PCNX1: variants seen among roughly 807,000 people sequenced by gnomAD.
PCNX1 encodes pecanex 1, also known as pecanex-like protein 1.
A neutral mutation model predicts 242.2 loss-of-function variants in PCNX1; 78 were observed. That is an observed-to-expected ratio of 0.32 (90% confidence interval 0.27 to 0.39). The LOEUF (loss-of-function observed/expected upper bound fraction) is 0.39, where lower values mean the gene tolerates loss of function less well. Among genes scored for constraint, PCNX1 ranks in the 10% least tolerant of loss-of-function variants. The pLI, the probability that PCNX1 is intolerant of heterozygous loss-of-function variation, is 1.00. For synonymous variants in PCNX1, 1,024 were observed against 1,032.9 expected, an observed-to-expected ratio of 0.99 and a Z score of 0.17; for missense variants, 2,581 against 2,856.5, an observed-to-expected ratio of 0.90 and a Z score of 2.20.
intron 1 of PCNX1, among the ~76,000 whole-genome samples, chr14:70,915,659 A>G (rs1020927264): frequency 1.3e-5 from 2 of 152,148 alleles, no homozygotes; most frequent in African/African-American, 4.8e-5. Flanking sequence ...TCCAGGTTTT[A>G]GCTATTTAGA....
At chr14:70,976,091 T>C (rs757426609) in intron 5 of PCNX1, among the ~76,000 whole-genome samples, 9 of 152,192 alleles carry the variant, frequency 5.9e-5, no homozygotes, top group Non-Finnish European at 1.2e-4. Context: ...TGTGAAATAA[T>C]CGTATTAGCT....
At chr14:71,024,397 A>G (rs1174546747) in intron 13 of PCNX1, among the ~76,000 whole-genome samples, 3 of 152,158 alleles carry the variant, frequency 2.0e-5, no homozygotes, top group African/African-American at 7.2e-5. Flanking sequence ...AATCTGGAGC[A>G]ATTCTTTGGA....
chr14:71,030,113 T>C lies in PCNX1; in HGVS notation c.3558+1322T>C, dbSNP rs543184541. Among the ~76,000 whole-genome samples, 48 of 152,250 alleles carry C rather than the reference T, an allele frequency of 3.2e-4. No homozygotes were observed. In the South Asian group the frequency reaches 9.5e-3, roughly 30 times the overall value. On this transcript the variant is annotated intron_variant, in intron 16 of 35. Transcript: ENST00000304743. Reference sequence around the variant, plus strand: ...TTTTTAGTTTTAATTTTTATCAGAGTTGTACATTCATATATCACAGTGTCA... The same window carrying C: ...TTTTTAGTTTTAATTTTTATCAGAGCTGTACATTCATATATCACAGTGTCA...
chr14:70,947,677 T>C (rs1322857172), intron 2 of PCNX1, among the ~76,000 whole-genome samples: 1 of 152,162 alleles, frequency 6.6e-6, no homozygotes, highest in Non-Finnish European at 1.5e-5. Flanking sequence ...AAATTGTTTG[T>C]AGAGCATGTG....
intron 1 of PCNX1, among the ~76,000 whole-genome samples, chr14:70,936,592 C>T (rs1042332128): frequency 2.0e-5 from 3 of 152,138 alleles, no homozygotes; most frequent in Non-Finnish European, 2.9e-5. Flanking sequence ...ATTAAACATA[C>T]GTGTTGCATG....
At chr14:71,032,018 A>G (rs2060400200) in intron 16 of PCNX1, 1 of 916,188 alleles carries the variant, frequency 1.1e-6, no homozygotes, top group Non-Finnish European at 1.8e-6. Context: ...ACACGGACAC[A>G]CACAAGGAGT....
At chr14:71,012,868 A>G in intron 10 of PCNX1, 117 bp from the exon 11 acceptor site, 1 of 721,058 alleles carries the variant, frequency 1.4e-6, no homozygotes, top group Non-Finnish European at 2.4e-6. Flanking sequence ...TAAAGGGCTT[A>G]GATAACTGAT....
intron 8 of PCNX1, among the ~76,000 whole-genome samples, chr14:71,008,605 G>A (rs959934972): frequency 4.3e-5 from 6 of 138,106 alleles, no homozygotes; most frequent in African/African-American, 1.6e-4. Flanking sequence ...GCAGTGAGCC[G>A]AGATTGCGCC....
intron 26 of PCNX1, among the ~76,000 whole-genome samples, chr14:71,064,255 C>A (rs928251717): frequency 2.6e-5 from 4 of 151,852 alleles, no homozygotes; most frequent in East Asian, 1.9e-4. Context: ...GAAAAAAAAT[C>A]TTTTTTCAAT....
At chr14:70,962,716 A>C (rs1011169144) in intron 3 of PCNX1, among the ~76,000 whole-genome samples, 5 of 152,236 alleles carry the variant, frequency 3.3e-5, no homozygotes, top group Admixed American at 6.5e-5. Flanking sequence ...TCAGTGTTCA[A>C]GATGTTTAAT....
At chr14:70,951,145 T>C (rs2057761012) in intron 2 of PCNX1, among the ~76,000 whole-genome samples, 1 of 152,136 alleles carries the variant, frequency 6.6e-6, no homozygotes, top group South Asian at 2.1e-4. Flanking sequence ...CACCATTCAT[T>C]AAGTAACAAA....
At chr14:71,052,072 G>A in intron 24 of PCNX1, 60 bp downstream of exon 24, 1 of 1,236,644 alleles carries the variant, frequency 8.1e-7, no homozygotes, top group Non-Finnish European at 1.1e-6. Flanking sequence ...AAAAACTATT[G>A]ACAGCATTAT....
At chr14:71,065,094 T>A (rs1257605939) in intron 26 of PCNX1, among the ~76,000 whole-genome samples, 4 of 152,270 alleles carry the variant, frequency 2.6e-5, no homozygotes, top group African/African-American at 9.6e-5. Flanking sequence ...TGCATGTGTC[T>A]TTATAGTAGA....
intron 1 of PCNX1, among the ~76,000 whole-genome samples, chr14:70,942,495 C>T (rs1013195074): frequency 2.0e-5 from 3 of 152,166 alleles, no homozygotes; most frequent in Admixed American, 1.3e-4. Context: ...GGGGTGTCCC[C>T]ACACACCAAG....
chr14:70,961,184 C>T (rs1372616556), intron 2 of PCNX1, among the ~76,000 whole-genome samples: 1 of 152,044 alleles, frequency 6.6e-6, no homozygotes, highest in Non-Finnish European at 1.5e-5. Flanking sequence ...TCATATGGAA[C>T]CAAAAAAGAG....
At chr14:71,031,867 A>C in intron 16 of PCNX1, 3 of 1,456,496 alleles carry the variant, frequency 2.1e-6, no homozygotes, top group Non-Finnish European at 2.9e-6. Flanking sequence ...CTGTTTCAGC[A>C]CTTTCACAGC....
intron 24 of PCNX1, among the ~76,000 whole-genome samples, chr14:71,053,707 A>G (rs1273289109): frequency 1.3e-4 from 20 of 152,256 alleles, no homozygotes; most frequent in Admixed American, 1.3e-3. Flanking sequence ...GAAAAACTCA[A>G]AAATTTCAAA....
chr14:71,036,128 C>G lies in PCNX1; in HGVS notation c.3838C>G (p.His1280Asp). ...AATTGGTGTGCTGTATTTTGCTATT[C>G]ATGTAAGCACAGTCTTCACAGTATT... is the stretch of plus-strand genomic sequence containing the variant. ...IVIGVLYFAI[H>D]VSTVFTVLQP... is the part of the protein sequence containing the mutation. Residue 1280 changes from histidine (H) to aspartate (D), a missense_variant, in exon 19 of 36, where the codon CAT (histidine) becomes GAT (aspartate). This residue lies in a region of PCNX1 where 432 missense variants were observed against 443.1 expected (regional missense o/e 0.97). Transcript: ENST00000304743. The G allele has an allele frequency of 3.7e-6, 6 of 1,603,320 alleles. No homozygotes were observed. The highest frequency in any genetic ancestry group is 1.3e-5 in the African/African-American group (1 of 74,806).
chr14:71,006,411 A>G (rs1358278246), intron 8 of PCNX1, among the ~76,000 whole-genome samples: 1 of 151,912 alleles, frequency 6.6e-6, no homozygotes, highest in South Asian at 2.1e-4. Context: ...TTTTCTCCTT[A>G]AGTCATGACA....
Sources: gnomAD v4.1 joint callset for allele counts (sites outside exome capture counted in the v4.1 genomes callset) on GRCh38, gnomAD v4.1.1 for gene constraint, gnomAD v4.1.1 regional missense constraint, MANE v1.5 for transcripts, NCBI Gene and HGNC (gene_info 2026-07-23, HGNC 2026-07-21) for gene names.